The following GALNT6 variants were observed in gnomAD, a reference collection of about 807,000 sequenced individuals.
GALNT6 encodes the protein GalNAc transferase 6.
A neutral mutation model predicts 65.9 loss-of-function variants in GALNT6; 51 were observed. The observed-to-expected ratio is 0.77, with a 90% CI of 0.62 to 0.98. GALNT6 has a LOEUF of 0.98. Among genes scored for constraint, GALNT6 ranks in the 50% least tolerant of loss-of-function variants. The pLI, the probability that GALNT6 is intolerant of heterozygous loss-of-function variation, is 0.00. For synonymous variants in GALNT6, 323 were observed against 315.1 expected (o/e 1.02, Z -0.26); for missense variants, 708 against 803.3 (o/e 0.88, Z 1.43).
At position 51,360,750 on chromosome 12, in the gene GALNT6, C is replaced by T. The variant is rs774585607; in HGVS notation, c.1138G>A (p.Gly380Arg). The T allele has an allele frequency of 3.7e-6, 6 of 1,611,500 alleles. No homozygotes were observed. Among genetic ancestry groups the T allele is most frequent in the Non-Finnish European group, 5.1e-6 (6 of 1,177,652 alleles). The change falls in exon 7 of 12, where the codon GGA becomes AGA. Residue 380 changes from glycine to arginine, a missense_variant. Physicochemically the swap from Gly to Arg is moderately radical, Grantham distance 125. Transcript: ENST00000356317. ...GTYDNQMEIW[G>R]GENVEMSFRV... ...AAGGACATTTCCACGTTCTCCCCTC[C>T]CCAGATCTCCATCTGATTATCATAG... is the stretch of plus-strand genomic sequence containing the variant.
intron 6 of GALNT6, 77 bp downstream of exon 6, chr12:51,364,044 G>T: frequency 3.2e-6 from 3 of 937,694 alleles, no homozygotes; most frequent in South Asian, 1.3e-5. Context: ...AACAAATGTT[G>T]ATGTGAGATG....
At chr12:51,368,566 C>A (rs1343647821) in intron 4 of GALNT6, among the ~76,000 whole-genome samples, 1 of 151,860 alleles carries the variant, frequency 6.6e-6, no homozygotes, top group Non-Finnish European at 1.5e-5. Flanking sequence ...CACCACGCCC[C>A]GCTAATTTTT....
At chr12:51,362,517 A>G (rs1336274397) in intron 6 of GALNT6, among the ~76,000 whole-genome samples, 1 of 151,466 alleles carries the variant, frequency 6.6e-6, no homozygotes, top group Non-Finnish European at 1.5e-5. Context: ...TTCCTCAAAC[A>G]CTGGAGCTTT....
intron 2 of GALNT6, among the ~76,000 whole-genome samples, chr12:51,390,319 T>A (rs954228983): frequency 6.6e-6 from 1 of 151,996 alleles, no homozygotes; most frequent in Admixed American, 6.6e-5. Context: ...CCTGCCACCA[T>A]GCCCGGCTAA....
chr12:51,384,984 T>TTTTC (rs1220234087), intron 2 of GALNT6, among the ~76,000 whole-genome samples: 9 of 152,170 alleles, frequency 5.9e-5, no homozygotes, highest in African/African-American at 2.2e-4. Flanking sequence ...AGTATTCGTT[T>TTTTC]TTTCTTTCTT....
In GALNT6 at chr12:51,353,136, A is replaced by G. The variant is rs1271761158; in HGVS notation, c.*1243T>C. On this transcript the variant is annotated 3_prime_UTR_variant, in exon 12 of 12. Coordinates refer to ENST00000356317, the MANE Select transcript of GALNT6 (RefSeq NM_007210.4). ...ACGAGCCTCAGTCTTGGCTCCAGCC[A>G]TCTGCTAGCTATGGGACTACAGACA... 1 of 152,252 alleles carries G rather than the reference A, an allele frequency of 6.6e-6. No homozygotes were observed. Among genetic ancestry groups the G allele is most frequent in the Non-Finnish European group, 1.5e-5 (1 of 68,062 alleles). The allele number at this position is 152,252 out of a possible 1,614,324, so 9.4% of individuals were successfully genotyped here.
At chr12:51,355,428 G>A (rs530289785) in intron 11 of GALNT6, among the ~76,000 whole-genome samples, 2 of 152,204 alleles carry the variant, frequency 1.3e-5, no homozygotes, top group Admixed American at 1.3e-4. Flanking sequence ...GGAAGAAAAT[G>A]AAGAAAATAT....
At chr12:51,380,755 C>A (rs569472421) in intron 2 of GALNT6, among the ~76,000 whole-genome samples, 1 of 152,250 alleles carries the variant, frequency 6.6e-6, no homozygotes, top group East Asian at 1.9e-4. Context: ...CATGCCACTG[C>A]ACTCCAGCCT....
intron 2 of GALNT6, among the ~76,000 whole-genome samples, chr12:51,385,094 T>A (rs1947789590): frequency 6.6e-6 from 1 of 152,064 alleles, no homozygotes. Flanking sequence ...GCTCAAAGGA[T>A]CCTCCTACCT....
At position 51,354,488 on chromosome 12, in the gene GALNT6, T is replaced by C; in HGVS notation, c.1760A>G (p.Gln587Arg). 6.3e-7 allele frequency: 1 copy of C among 1,593,312 alleles called. No individual in the cohort carries two copies. Among genetic ancestry groups the C allele is most frequent in the East Asian group, 2.3e-5 (1 of 43,310 alleles). Residue 587 changes from glutamine to arginine, a missense_variant, in exon 12 of 12, where the codon CAG (glutamine) becomes CGG (arginine). Transcript: ENST00000356317. ...ACCAGATCCTGAGTTCCTGATGAGC[T>C]GATCCTAAAAGATGACAAAGCAAAA... ...KDEEWELAQD[Q>R]LIRNSGSGTC...
At chr12:51,355,125 C>G (rs150141820) in intron 11 of GALNT6, among the ~76,000 whole-genome samples, 109 of 152,288 alleles carry the variant, frequency 7.2e-4, no homozygotes, top group African/African-American at 2.6e-3. Flanking sequence ...GTGACTATTC[C>G]TGCTTGGAAA....
rs191924092 is a variant in GALNT6, at chr12:51,351,274, C to A, written c.*3105G>T. The A allele has an allele frequency of 4.6e-5, 7 of 152,312 alleles. No homozygotes were observed. The East Asian group carries it at 1.3e-3, about 29-fold the overall frequency. The allele number at this position is 152,312 out of a possible 1,614,324, so 9.4% of individuals were successfully genotyped here. ...AGCCTGGATTACATTCATCTTTATA[C>A]CAACATAGTCATAACATTAATTTTT... is the stretch of plus-strand genomic sequence containing the variant. On this transcript the variant is annotated 3_prime_UTR_variant, in exon 12 of 12. Coordinates refer to ENST00000356317, the MANE Select transcript of GALNT6 (RefSeq NM_007210.4).
Position 51,364,366 on chromosome 12 carries a change from C to T in GALNT6, c.815-11G>A. On this transcript the variant is annotated splice_polypyrimidine_tract_variant and intron_variant, in intron 5 of 11. Transcript: ENST00000356317. ...CGTGGAAGCACTCACCTGCAGGCCC[C>T]AACCAGGAGGCAGCAGTCAGGGCCC... is the stretch of plus-strand genomic sequence containing the variant. 6.3e-7 allele frequency: 1 copy of T among 1,595,430 alleles called. No individual in the cohort carries two copies. Among genetic ancestry groups the T allele is most frequent in the Non-Finnish European group, 8.6e-7 (1 of 1,163,120 alleles).
At chr12:51,390,378 G>A (rs1181515871) in intron 2 of GALNT6, among the ~76,000 whole-genome samples, 1 of 151,888 alleles carries the variant, frequency 6.6e-6, no homozygotes, top group South Asian at 2.1e-4. Flanking sequence ...TGGCCAGGCT[G>A]GTCTCGAACT....
chr12:51,383,223 G>A (rs557732142), intron 2 of GALNT6, among the ~76,000 whole-genome samples: 20 of 152,242 alleles, frequency 1.3e-4, no homozygotes, highest in African/African-American at 1.9e-4. Context: ...GGCTAGCACA[G>A]GGGGATTTGC....
chr12:51,370,863 A>AG (rs1168114494), intron 4 of GALNT6, among the ~76,000 whole-genome samples: 2 of 152,044 alleles, frequency 1.3e-5, no homozygotes, highest in African/African-American at 2.4e-5. Context: ...TTATTAAAAA[A>AG]GGGAAAAAAA....
At chr12:51,373,876 T>C (rs1231909991) in intron 4 of GALNT6, among the ~76,000 whole-genome samples, 1 of 152,194 alleles carries the variant, frequency 6.6e-6, no homozygotes. Context: ...TATTTTTTTT[T>C]AGAGACTGGG....
Position 51,365,552 on chromosome 12 carries a change from T to C in GALNT6, c.692A>G (p.Tyr231Cys). The change falls in exon 5 of 12, where the codon TAC becomes TGC. Residue 231 changes from tyrosine (Y) to cysteine (C), a missense_variant. Coordinates refer to ENST00000356317, the MANE Select transcript of GALNT6 (RefSeq NM_007210.4). The stretch of plus-strand genomic sequence containing the variant: ...CCTCACCACCTGCAGCTGCTTCACG[T>C]ACTGCTCCAGCTTCTCCTTTAGGTG... ...EEHLKEKLEQ[Y>C]VKQLQVVRVV... 6.2e-7 allele frequency: 1 copy of C among 1,613,670 alleles called. No individual in the cohort carries two copies. The highest frequency in any genetic ancestry group is 1.3e-5 in the African/African-American group (1 of 75,058).
In GALNT6 at chr12:51,351,406, A is replaced by C. The variant is rs1424301919; in HGVS notation, c.*2973T>G. On this transcript the variant is annotated 3_prime_UTR_variant, in exon 12 of 12. Transcript: ENST00000356317. ...TCTACACCAGTCACTCCCTCACCCCAATGTCCTCTGGGTTTCTCAGACCCA... is the reference window on the plus strand; with the variant it reads ...TCTACACCAGTCACTCCCTCACCCCCATGTCCTCTGGGTTTCTCAGACCCA... 6.6e-6 allele frequency: 1 copy of C among 152,098 alleles called. No homozygotes were observed. The highest frequency in any genetic ancestry group is 6.5e-5 in the Admixed American group (1 of 15,270). 9.4% of individuals were successfully genotyped at this position (152,098 alleles called of 1,614,324 possible).
Sources: gnomAD v4.1 joint callset for allele counts (sites outside exome capture counted in the v4.1 genomes callset) on GRCh38, gnomAD v4.1.1 for gene constraint, MANE v1.5 for transcripts, NCBI Gene and HGNC (gene_info 2026-07-23, HGNC 2026-07-21) for gene names.